OSBPL6: variants seen among roughly 807,000 people sequenced by gnomAD.
OSBPL6 encodes the protein oxysterol binding protein like 6.
A neutral mutation model predicts 125.8 loss-of-function variants in OSBPL6; 49 were observed. That is an observed-to-expected ratio of 0.39 (90% CI 0.31 to 0.49). OSBPL6 has a LOEUF of 0.49. OSBPL6 is among the 20% of genes least tolerant of loss of function. The pLI is 0.88. For missense variants in OSBPL6, 986 were observed against 1,135.4 expected (o/e 0.87, Z 1.89); for synonymous variants, 394 against 391.8 (o/e 1.01, Z -0.07).
rs1032243277 is a variant in OSBPL6, at chr2:178,297,126, C to G, written c.-155-8904C>G. On this transcript the variant is annotated intron_variant, in intron 2 of 24. Coordinates refer to ENST00000190611, the MANE Select transcript of OSBPL6 (RefSeq NM_032523.4). Reference sequence around the variant, plus strand: ...TCCTATTCCTAATGTCCCTCAGGCCCCTATAGTACTGTTAGCAGTCTGGCA... The same window carrying G: ...TCCTATTCCTAATGTCCCTCAGGCCGCTATAGTACTGTTAGCAGTCTGGCA... Among the ~76,000 whole-genome samples, 4 of 152,074 alleles carry G rather than the reference C, an allele frequency of 2.6e-5. No homozygotes were observed. In the South Asian group the frequency reaches 8.3e-4, roughly 32 times the overall value.
intron 1 of OSBPL6, among the ~76,000 whole-genome samples, chr2:178,231,361 C>G (rs1435286811): frequency 6.6e-6 from 1 of 152,126 alleles, no homozygotes; most frequent in African/African-American, 2.4e-5. Flanking sequence ...GAAGATGGAG[C>G]CGCCATTTTG....
chr2:178,208,302 AAAAG>A (rs1041287679), intron 1 of OSBPL6, among the ~76,000 whole-genome samples: 25 of 151,840 alleles, frequency 1.6e-4, no homozygotes, highest in East Asian at 3.9e-4. Flanking sequence ...AAAAAAAAGA[AAAAG>A]AAAGAAAGAA....
chr2:178,347,895 T>G (rs1351153185), intron 11 of OSBPL6, among the ~76,000 whole-genome samples: 2 of 152,226 alleles, frequency 1.3e-5, no homozygotes, highest in African/African-American at 2.4e-5. Context: ...AGCTGAATTT[T>G]GGGGAGGGGA....
At chr2:178,303,900 C>T (rs1009157925) in intron 2 of OSBPL6, among the ~76,000 whole-genome samples, 3 of 152,098 alleles carry the variant, frequency 2.0e-5, no homozygotes, top group African/African-American at 7.2e-5. Flanking sequence ...TTGGAGTCTC[C>T]CCACAGCTGC....
At chr2:178,389,392 AAG>A in intron 21 of OSBPL6, among the ~76,000 whole-genome samples, 1 of 152,254 alleles carries the variant, frequency 6.6e-6, no homozygotes, top group Non-Finnish European at 1.5e-5. Flanking sequence ...TGTCTTTTTA[AAG>A]AATTTTCTTT....
intron 9 of OSBPL6, among the ~76,000 whole-genome samples, chr2:178,338,716 CAG>C (rs1574910263): frequency 6.6e-6 from 1 of 152,172 alleles, no homozygotes; most frequent in East Asian, 1.9e-4. Flanking sequence ...CAAAAGCTAT[CAG>C]AGCAGAAAAG....
intron 11 of OSBPL6, among the ~76,000 whole-genome samples, chr2:178,343,307 A>G (rs1009941199): frequency 6.6e-6 from 1 of 152,032 alleles, no homozygotes; most frequent in African/African-American, 2.4e-5. Flanking sequence ...GGGTCGCTTG[A>G]GGCCAGAAGT....
intron 13 of OSBPL6, among the ~76,000 whole-genome samples, chr2:178,369,463 G>A (rs1381437006): frequency 6.6e-6 from 1 of 152,120 alleles, no homozygotes; most frequent in Non-Finnish European, 1.5e-5. Flanking sequence ...GCAGGATTCT[G>A]ACTTAGCGTT....
chr2:178,290,947 A>G (rs903865724), intron 2 of OSBPL6, among the ~76,000 whole-genome samples: 1 of 152,044 alleles, frequency 6.6e-6, no homozygotes, highest in Non-Finnish European at 1.5e-5. Context: ...TTTCTTTTAC[A>G]TTGAAACCAT....
intron 1 of OSBPL6, among the ~76,000 whole-genome samples, chr2:178,255,293 G>A (rs1191529664): frequency 2.2e-4 from 33 of 152,360 alleles, no homozygotes; most frequent in South Asian, 4.1e-4. Context: ...ACGCAACAGG[G>A]CGAGACTCCG....
At chr2:178,374,060 C>T in intron 15 of OSBPL6, 33 bp downstream of exon 15, 1 of 1,601,130 alleles carries the variant, frequency 6.2e-7, no homozygotes, top group South Asian at 1.1e-5. Context: ...TTGGCCTCAA[C>T]ATCTTGTGAC....
At chr2:178,388,746 T>C (rs1490571611) in intron 20 of OSBPL6, among the ~76,000 whole-genome samples, 1 of 152,232 alleles carries the variant, frequency 6.6e-6, no homozygotes, top group African/African-American at 2.4e-5. Flanking sequence ...TACCCTCCCA[T>C]ACTTCTGTCT....
intron 1 of OSBPL6, among the ~76,000 whole-genome samples, chr2:178,257,270 T>C (rs1242990968): frequency 6.6e-6 from 1 of 152,228 alleles, no homozygotes; most frequent in East Asian, 1.9e-4. Context: ...CCTTCTAGAA[T>C]ATGCTTTTAG....
chr2:178,194,765 G>C (rs973398012), intron 1 of OSBPL6, 91 bp downstream of exon 1: 1 of 152,486 alleles, frequency 6.6e-6, no homozygotes, highest in South Asian at 2.1e-4. Flanking sequence ...CCGGCGGGCC[G>C]AGGACCCCGA....
chr2:178,266,085 C>T (rs897205814), intron 1 of OSBPL6, among the ~76,000 whole-genome samples: 36 of 152,010 alleles, frequency 2.4e-4, no homozygotes, highest in African/African-American at 8.5e-4. Context: ...AAGTGTTTTT[C>T]GGGCCAAGGA....
At chr2:178,282,867 G>A (rs1574739828) in intron 1 of OSBPL6, among the ~76,000 whole-genome samples, 1 of 152,130 alleles carries the variant, frequency 6.6e-6, no homozygotes, top group Non-Finnish European at 1.5e-5. Context: ...TGGCCAAGCT[G>A]GTCTCGATCT....
intron 15 of OSBPL6, among the ~76,000 whole-genome samples, chr2:178,377,225 C>T (rs539870616): frequency 3.9e-5 from 6 of 152,342 alleles, no homozygotes; most frequent in Admixed American, 3.9e-4. Context: ...AGGAAACTTA[C>T]AACCATGGCA....
intron 15 of OSBPL6, among the ~76,000 whole-genome samples, chr2:178,375,397 T>C (rs879628346): frequency 6.6e-6 from 1 of 151,938 alleles, no homozygotes; most frequent in Non-Finnish European, 1.5e-5. Context: ...TTCATCCTTC[T>C]TTTTTTGTTG....
chr2:178,250,382 G>C (rs1411597281), intron 1 of OSBPL6, among the ~76,000 whole-genome samples: 1 of 151,936 alleles, frequency 6.6e-6, no homozygotes, highest in Non-Finnish European at 1.5e-5. Flanking sequence ...AGCATCTCCT[G>C]CCTCAAAACT....
Sources: gnomAD v4.1 joint callset for allele counts (sites outside exome capture counted in the v4.1 genomes callset) on GRCh38, gnomAD v4.1.1 for gene constraint, MANE v1.5 for transcripts, NCBI Gene and HGNC (gene_info 2026-07-23, HGNC 2026-07-21) for gene names.